SLC9C2: variants seen among roughly 807,000 people sequenced by gnomAD.
SLC9C2 encodes the protein sodium/hydrogen exchanger 11.
In SLC9C2, 75 loss-of-function variants were observed where a neutral mutation model predicts 140.2. The ratio of observed to expected loss-of-function variants is 0.53; its 90% CI spans 0.44 to 0.65. SLC9C2 has a LOEUF of 0.65. Ranked by LOEUF, SLC9C2 falls within the 30% of genes least tolerant of loss-of-function variation. SLC9C2 has a pLI of 0.00. For synonymous variants in SLC9C2, 375 were observed against 420.9 expected, an observed-to-expected ratio of 0.89 and a Z score of 1.34; for missense variants, 1,074 against 1,331.8, an observed-to-expected ratio of 0.81 and a Z score of 3.01.
At chr1:173,539,308 A>G (rs1558044554) in intron 13 of SLC9C2, among the ~76,000 whole-genome samples, 4 of 152,224 alleles carry the variant, frequency 2.6e-5, no homozygotes. Context: ...AAGGGGACCA[A>G]TTGAAAGTTA....
In SLC9C2 at chr1:173,529,879, C is replaced by G. The variant is rs779202147; in HGVS notation, c.2313+26G>C. ...TAATACACCTAAGGGGTTTTTCTCC[C>G]CAAATGACCAGTGCTTGTTTCTCAC... On this transcript the variant is annotated intron_variant, in intron 18 of 27. Transcript: ENST00000367714. The G allele has an allele frequency of 4.4e-6, 7 of 1,588,588 alleles. No individual in the cohort carries two copies. In the East Asian group the frequency reaches 1.6e-4, roughly 36 times the overall value.
intron 18 of SLC9C2, 127 bp from the exon 19 acceptor site, chr1:173,526,841 C>T (rs1397404563): frequency 2.9e-6 from 2 of 697,310 alleles, no homozygotes; most frequent in Non-Finnish European, 4.7e-6. Context: ...ATAGTTCTGG[C>T]TTTCCTTTTA....
At chr1:173,518,920 C>T (rs1432542677) in intron 22 of SLC9C2, among the ~76,000 whole-genome samples, 1 of 152,026 alleles carries the variant, frequency 6.6e-6, no homozygotes, top group Non-Finnish European at 1.5e-5. Flanking sequence ...CCCCAAGATT[C>T]CTGTCTGTTG....
chr1:173,530,180 T>C (rs1329936960), intron 17 of SLC9C2, 126 bp from the exon 18 acceptor site: 1 of 817,862 alleles, frequency 1.2e-6, no homozygotes, highest in East Asian at 2.7e-5. Flanking sequence ...TTGTTAGGAA[T>C]GCAAAATCTC....
intron 9 of SLC9C2, among the ~76,000 whole-genome samples, chr1:173,569,657 TCTGA>T (rs1664717170): frequency 6.6e-6 from 1 of 152,120 alleles, no homozygotes; most frequent in African/African-American, 2.4e-5. Context: ...TTTTGCGTCT[TCTGA>T]CTGTGTATTC....
intron 18 of SLC9C2, 31 bp from the exon 19 acceptor site, chr1:173,526,745 T>G (rs1431147317): frequency 7.2e-7 from 1 of 1,397,808 alleles, no homozygotes; most frequent in Admixed American, 2.2e-5. Context: ...CATGTATTTC[T>G]TATTATTCAT....
Position 173,573,299 on chromosome 1 carries a change from T to A in SLC9C2, c.929A>T (p.Tyr310Phe), listed in dbSNP as rs114076888. The change falls in exon 9 of 28, where the codon TAT (tyrosine) becomes TTT (phenylalanine). Residue 310 changes from tyrosine (Y) to phenylalanine (F), a missense_variant. By Grantham distance (22) the Tyr-to-Phe change is conservative (BLOSUM62 3). Coordinates refer to ENST00000367714, the MANE Select transcript of SLC9C2 (RefSeq NM_178527.4). ...AAAGAAAGCATATATTAAATGTTCATATACAGATGAAAAAATTCTTAAGAA... is the reference window on the plus strand; with the variant it reads ...AAAGAAAGCATATATTAAATGTTCAAATACAGATGAAAAAATTCTTAAGAA... Reference protein sequence around the residue: ...TKFLRIFSSVYEHLIYAFFGI... With the variant: ...TKFLRIFSSVFEHLIYAFFGI... 2.2e-4 allele frequency: 338 copies of A among 1,542,274 alleles called. 2 individuals are homozygous for A. In the East Asian group the frequency reaches 7.0e-3, roughly 32 times the overall value.
chr1:173,504,030 G>A (rs768248319), intron 26 of SLC9C2, among the ~76,000 whole-genome samples: 1 of 152,192 alleles, frequency 6.6e-6, no homozygotes, highest in Non-Finnish European at 1.5e-5. Context: ...TGCCCCAAGG[G>A]GGCTGACGCT....
rs760764280 is a variant in SLC9C2 at position 173,523,924 on chromosome 1, T to A, written c.2640+45A>T. ...TCATTAGGGAGTGGAAAAAAATGGA[T>A]AATTACCATCAAACCTGAGCCAGAA... On this transcript the variant is annotated intron_variant, in intron 21 of 27. Transcript: ENST00000367714. 7 of 1,577,538 alleles carry A rather than the reference T, an allele frequency of 4.4e-6. No homozygotes were observed. In the East Asian group the frequency reaches 9.0e-5, roughly 20 times the overall value.
rs146120800 is a variant in SLC9C2 at position 173,550,961 on chromosome 1, A to T, written c.1298-2409T>A. Among the ~76,000 whole-genome samples, 126 of 150,258 alleles carry T rather than the reference A, an allele frequency of 8.4e-4. 2 individuals carry two copies. The East Asian group carries it at 0.024, about 28-fold the overall frequency. On this transcript the variant is annotated intron_variant, in intron 11 of 27. Transcript: ENST00000367714. ...GGGAGGGGAGGGGAGCAAGTCCATA[A>T]CTGGGGGAAAAGGAGAGCTGCCTAA...
chr1:173,565,060 C>T (rs1267143721), intron 9 of SLC9C2, among the ~76,000 whole-genome samples: 4 of 151,092 alleles, frequency 2.6e-5, no homozygotes, highest in South Asian at 2.1e-4. Context: ...CTCTGCCTCC[C>T]GGGTTCAAGC....
At chr1:173,573,698 C>T (rs573843263) in intron 8 of SLC9C2, among the ~76,000 whole-genome samples, 8 of 152,308 alleles carry the variant, frequency 5.3e-5, no homozygotes, top group Non-Finnish European at 1.2e-4. Context: ...GTAGGTACCT[C>T]GGTAACTTTG....
chr1:173,504,427 G>C (rs984788313), intron 26 of SLC9C2, among the ~76,000 whole-genome samples: 2 of 152,156 alleles, frequency 1.3e-5, no homozygotes, highest in African/African-American at 4.8e-5. Flanking sequence ...TGAGATATAA[G>C]ACTGAGAAAA....
At chr1:173,559,579 G>T (rs1240206935) in intron 9 of SLC9C2, among the ~76,000 whole-genome samples, 1 of 152,176 alleles carries the variant, frequency 6.6e-6, no homozygotes, top group Admixed American at 6.6e-5. Context: ...TTTGACCCTA[G>T]GTTTGAGTGG....
intron 21 of SLC9C2, among the ~76,000 whole-genome samples, chr1:173,522,062 A>G (rs1408427804): frequency 1.3e-5 from 2 of 152,034 alleles, no homozygotes; most frequent in Non-Finnish European, 2.9e-5. Flanking sequence ...CCCCGTCTCT[A>G]CTAACAATAC....
chr1:173,560,896 A>G (rs942686411), intron 9 of SLC9C2, among the ~76,000 whole-genome samples: 2 of 152,078 alleles, frequency 1.3e-5, no homozygotes, highest in South Asian at 2.1e-4. Context: ...TCCCAGGTTC[A>G]AGCGATTCTC....
At chr1:173,546,920 G>A (rs1662889218) in intron 13 of SLC9C2, among the ~76,000 whole-genome samples, 1 of 152,066 alleles carries the variant, frequency 6.6e-6, no homozygotes, top group African/African-American at 2.4e-5. Context: ...ATTTGTTTCA[G>A]ACTAATACAT....
intron 7 of SLC9C2, among the ~76,000 whole-genome samples, chr1:173,581,287 T>G (rs566779426): frequency 6.6e-6 from 1 of 152,224 alleles, no homozygotes; most frequent in Non-Finnish European, 1.5e-5. Context: ...CTCCATTTCA[T>G]TGGACTAAAC....
At chr1:173,564,774 A>G (rs1474266427) in intron 9 of SLC9C2, among the ~76,000 whole-genome samples, 1 of 148,714 alleles carries the variant, frequency 6.7e-6, no homozygotes, top group Non-Finnish European at 1.5e-5. Context: ...AATAGCTGGA[A>G]CTACAGGCGC....
Sources: gnomAD v4.1 joint callset for allele counts (sites outside exome capture counted in the v4.1 genomes callset) on GRCh38, gnomAD v4.1.1 for gene constraint, MANE v1.5 for transcripts, NCBI Gene and HGNC (gene_info 2026-07-23, HGNC 2026-07-21) for gene names.